Variants in IL15 observed in about 807,000 individuals in gnomAD.
IL15 encodes the protein interleukin-15.
In IL15, 11 loss-of-function variants were observed where a neutral mutation model predicts 19.6. The observed-to-expected ratio is 0.56, with a 90% confidence interval of 0.35 to 0.93. The LOEUF is 0.93. IL15 is among the 40% of genes least tolerant of loss of function. The pLI, the probability that IL15 is intolerant of heterozygous loss-of-function variation, is 0.01. For missense variants in IL15, 197 were observed against 186.5 expected, an observed-to-expected ratio of 1.06 and a Z score of -0.33; for synonymous variants, 58 against 59.6, an observed-to-expected ratio of 0.97 and a Z score of 0.12.
chr4:141,666,418 C>T (rs1727988508), intron 2 of IL15, among the ~76,000 whole-genome samples: 1 of 152,198 alleles, frequency 6.6e-6, no homozygotes, highest in African/African-American at 2.4e-5. Flanking sequence ...GGCGGTGGCA[C>T]AATCTTGGCC....
chr4:141,728,513 C>A (rs1372577021), intron 6 of IL15, among the ~76,000 whole-genome samples: 2 of 152,110 alleles, frequency 1.3e-5, no homozygotes, highest in African/African-American at 4.8e-5. Context: ...TGGTCTTGAA[C>A]TTGTTTCATT....
intron 2 of IL15, among the ~76,000 whole-genome samples, chr4:141,657,267 C>T (rs1045169399): frequency 1.3e-5 from 2 of 151,946 alleles, no homozygotes; most frequent in Non-Finnish European, 2.9e-5. Context: ...ATAAATTTTA[C>T]AATACTGGAA....
chr4:141,659,166 A>G (rs1044495335), intron 2 of IL15, among the ~76,000 whole-genome samples: 3 of 143,128 alleles, frequency 2.1e-5, no homozygotes, highest in African/African-American at 5.2e-5. Context: ...TGGAATTTTT[A>G]TTAAGAATTC....
At chr4:141,675,810 C>A (rs556638659) in intron 2 of IL15, among the ~76,000 whole-genome samples, 4 of 152,244 alleles carry the variant, frequency 2.6e-5, no homozygotes, top group African/African-American at 9.6e-5. Context: ...GGTGCAAAAA[C>A]CTTGCACATT....
chr4:141,719,535 C>A, intron 3 of IL15, 59 bp downstream of exon 3: 2 of 1,316,940 alleles, frequency 1.5e-6, no homozygotes, highest in South Asian at 1.3e-5. Context: ...TCGTCTGAAT[C>A]TCAGAGTCTT....
intron 2 of IL15, among the ~76,000 whole-genome samples, chr4:141,698,452 C>A (rs1408434339): frequency 6.6e-6 from 1 of 151,840 alleles, no homozygotes; most frequent in Non-Finnish European, 1.5e-5. Flanking sequence ...AGCTGTGAAT[C>A]CATCTGGTCC....
intron 2 of IL15, among the ~76,000 whole-genome samples, chr4:141,697,197 G>C (rs2152180023): frequency 6.6e-6 from 1 of 152,216 alleles, no homozygotes; most frequent in Non-Finnish European, 1.5e-5. Flanking sequence ...TAAGGCGAGA[G>C]ATGAGGATCC....
At chr4:141,657,130 T>G (rs137915445) in intron 2 of IL15, among the ~76,000 whole-genome samples, 203 of 152,338 alleles carry the variant, frequency 1.3e-3, no homozygotes, top group African/African-American at 4.6e-3. Flanking sequence ...AGCATGTTAC[T>G]GTACTGAATA....
In IL15 at chr4:141,711,413, A is replaced by G. The variant is rs1199026892; in HGVS notation, c.-99-7953A>G. On this transcript the variant is annotated intron_variant, in intron 2 of 7. Transcript: ENST00000320650. Reference sequence around the variant, plus strand: ...ATTTATTACAGTGACTGGCTGGGCCACCTTCTGGTTAGGGAAGCTAGTGCA... The same window carrying G: ...ATTTATTACAGTGACTGGCTGGGCCGCCTTCTGGTTAGGGAAGCTAGTGCA... Among the ~76,000 whole-genome samples, 7 of 152,226 alleles carry G rather than the reference A, an allele frequency of 4.6e-5. No individual in the cohort carries two copies. The East Asian group carries it at 1.4e-3, about 29-fold the overall frequency.
chr4:141,660,110 AT>A (rs1727739418), intron 2 of IL15, among the ~76,000 whole-genome samples: 1 of 152,168 alleles, frequency 6.6e-6, no homozygotes, highest in Non-Finnish European at 1.5e-5. Flanking sequence ...GTATCAGTTA[AT>A]CCCTTGAAGG....
intron 2 of IL15, among the ~76,000 whole-genome samples, chr4:141,693,409 G>C (rs973187136): frequency 3.3e-5 from 5 of 152,108 alleles, no homozygotes; most frequent in Admixed American, 3.3e-4. Flanking sequence ...AATTCCTAAA[G>C]GACAGGAACC....
At chr4:141,706,016 T>A (rs1024960536) in intron 2 of IL15, among the ~76,000 whole-genome samples, 4 of 151,990 alleles carry the variant, frequency 2.6e-5, no homozygotes, top group African/African-American at 9.7e-5. Context: ...TCAGCCACTC[T>A]CTATCTTTTA....
chr4:141,705,600 T>C (rs1258741277), intron 2 of IL15, among the ~76,000 whole-genome samples: 1 of 152,020 alleles, frequency 6.6e-6, no homozygotes, highest in Non-Finnish European at 1.5e-5. Flanking sequence ...ATTTGGTCTA[T>C]GGTATAATTT....
chr4:141,726,516 G>A (rs1255736634), intron 5 of IL15, among the ~76,000 whole-genome samples: 2 of 152,122 alleles, frequency 1.3e-5, no homozygotes, highest in African/African-American at 4.8e-5. Context: ...AATGATACAG[G>A]CACTGTATAA....
intron 1 of IL15, among the ~76,000 whole-genome samples, chr4:141,646,721 T>G (rs1727238915): frequency 6.6e-6 from 1 of 152,112 alleles, no homozygotes; most frequent in African/African-American, 2.4e-5. Context: ...TGTTAATCAG[T>G]GAATTAAGGA....
intron 4 of IL15, chr4:141,720,862 TC>T (rs1730051647): frequency 3.7e-6 from 2 of 535,146 alleles, no homozygotes; most frequent in Non-Finnish European, 6.5e-6. Flanking sequence ...TACATATTTT[TC>T]ATGGCAATTA....
intron 5 of IL15, among the ~76,000 whole-genome samples, chr4:141,722,476 A>G (rs929463630): frequency 4.6e-5 from 7 of 152,176 alleles, no homozygotes; most frequent in African/African-American, 1.7e-4. Flanking sequence ...CAAAGTTCTG[A>G]AAACTAAATT....
intron 4 of IL15, 110 bp from the exon 5 acceptor site, chr4:141,721,814 T>C (rs898221244): frequency 6.4e-6 from 6 of 939,338 alleles, no homozygotes; most frequent in Non-Finnish European, 9.7e-6. Context: ...AGGATAACAC[T>C]GATTTTTTCA....
chr4:141,683,951 G>A (rs1728625700), intron 2 of IL15, among the ~76,000 whole-genome samples: 1 of 152,168 alleles, frequency 6.6e-6, no homozygotes, highest in African/African-American at 2.4e-5. Flanking sequence ...TTAGTAGACA[G>A]GCTGAAATGT....
Sources: allele counts gnomAD v4.1 joint callset (sites outside exome capture counted in the v4.1 genomes callset), GRCh38; gene constraint gnomAD v4.1.1; transcripts MANE v1.5; gene names NCBI Gene and HGNC (gene_info 2026-07-23, HGNC 2026-07-21).